The following FSTL5 variants were observed in gnomAD, a reference collection of about 807,000 sequenced individuals.
FSTL5 encodes the protein follistatin like 5.
In FSTL5, 62 loss-of-function variants were observed where a neutral mutation model predicts 89.1. The ratio of observed to expected loss-of-function variants is 0.70; its 90% confidence interval spans 0.57 to 0.86. The LOEUF (loss-of-function observed/expected upper bound fraction) is 0.86. FSTL5 is among the 40% of genes least tolerant of loss of function. FSTL5 has a pLI of 0.00. For synonymous variants in FSTL5, 383 were observed against 346.2 expected (o/e 1.11, Z -1.18); for missense variants, 1,057 against 1,001.6 (o/e 1.06, Z -0.75).
chr4:162,146,078 A>AT (rs1732973087), intron 1 of FSTL5, among the ~76,000 whole-genome samples: 1 of 152,118 alleles, frequency 6.6e-6, no homozygotes, highest in Non-Finnish European at 1.5e-5. Context: ...CTGTTTTGAT[A>AT]ATTTCTTATT....
chr4:162,054,643 T>C (rs536832183), intron 2 of FSTL5, among the ~76,000 whole-genome samples: 2 of 152,018 alleles, frequency 1.3e-5, no homozygotes, highest in Admixed American at 6.6e-5. Context: ...TCTCTTTTCT[T>C]AGAGCATTTA....
chr4:161,573,466 C>A (rs1193441681), intron 8 of FSTL5, among the ~76,000 whole-genome samples: 1 of 147,832 alleles, frequency 6.8e-6, no homozygotes, highest in Non-Finnish European at 1.5e-5. Flanking sequence ...AAGCCAGGAG[C>A]GGTGGCTCAC....
intron 3 of FSTL5, among the ~76,000 whole-genome samples, chr4:161,970,634 A>T: frequency 6.6e-6 from 1 of 152,224 alleles, no homozygotes; most frequent in African/African-American, 2.4e-5. Context: ...AGTGGAAAAC[A>T]GAGATTTTCC....
chr4:161,404,717 A>G (rs951573788), intron 15 of FSTL5, among the ~76,000 whole-genome samples: 1 of 151,970 alleles, frequency 6.6e-6, no homozygotes, highest in African/African-American at 2.4e-5. Flanking sequence ...AAAAAAAAAA[A>G]CAACAATGAT....
intron 6 of FSTL5, among the ~76,000 whole-genome samples, chr4:161,718,788 T>C (rs1369974074): frequency 2.0e-5 from 3 of 152,220 alleles, no homozygotes; most frequent in South Asian, 2.1e-4. Flanking sequence ...TTACTCTCTA[T>C]ATATATATCT....
At chr4:161,715,529 TA>T (rs1738944523) in intron 6 of FSTL5, among the ~76,000 whole-genome samples, 1 of 152,148 alleles carries the variant, frequency 6.6e-6, no homozygotes, top group South Asian at 2.1e-4. Context: ...CATCTGAGAA[TA>T]AGCATGTGAG....
rs191997329 is a variant in FSTL5, at chr4:161,664,482, C to T, written c.728-7988G>A. ...CTTTGCTAAAACATAACAAGAGTCA[C>T]CTTTTTTCCAGTTCCCAACAAGTTC... On this transcript the variant is annotated intron_variant, in intron 6 of 15. Coordinates refer to ENST00000306100, the MANE Select transcript of FSTL5 (RefSeq NM_020116.5). 6.0e-3 allele frequency among the ~76,000 whole-genome samples: 916 copies of T among 152,312 alleles called. 9 individuals are homozygous for T. The highest frequency in any genetic ancestry group is 0.046 in the South Asian group (220 of 4,824).
chr4:161,503,686 T>G (rs72683739), intron 11 of FSTL5, among the ~76,000 whole-genome samples: 11,416 of 152,050 alleles, frequency 0.075, 563 homozygotes, highest in Middle Eastern at 0.14. Context: ...TCAAAAGGAC[T>G]GGTTTTAGAT....
In FSTL5 at chr4:161,385,003, T is replaced by G. The variant is rs1401767231; in HGVS notation, c.*744A>C. ...ATTGAAAGCAAAATGAGTAGATAGA[T>G]TGCAAATATTTTGACTGTAATTATT... is the stretch of plus-strand genomic sequence containing the variant. On this transcript the variant is annotated 3_prime_UTR_variant, in exon 16 of 16. Transcript: ENST00000306100. 1 of 152,130 alleles carries G rather than the reference T, an allele frequency of 6.6e-6. No homozygotes were observed. Among genetic ancestry groups the G allele is most frequent in the African/African-American group, 2.4e-5 (1 of 41,428 alleles). 9.4% of individuals were successfully genotyped at this position (152,130 alleles called of 1,614,324 possible).
rs184661681 is a variant in FSTL5 at position 161,500,321 on chromosome 4, A to G, written c.1340-187T>C. 9.3e-4 allele frequency among the ~76,000 whole-genome samples: 142 copies of G among 152,224 alleles called. 1 individual carries two copies. The highest frequency in any genetic ancestry group is 3.3e-3 in the African/African-American group (139 of 41,546). On this transcript the variant is annotated intron_variant, in intron 11 of 15. Transcript: ENST00000306100. ...CTTTGTGATATTATGCAGACATTAC[A>G]CTTCATTCTTCCTGTGCTGCAGTTT...
intron 4 of FSTL5, among the ~76,000 whole-genome samples, chr4:161,807,587 C>G (rs1730009674): frequency 6.6e-6 from 1 of 151,976 alleles, no homozygotes; most frequent in Non-Finnish European, 1.5e-5. Context: ...GTCTCTGCAG[C>G]AAGTACTCAA....
At chr4:161,561,397 T>C (rs7685132) in intron 8 of FSTL5, among the ~76,000 whole-genome samples, 284 of 152,048 alleles carry the variant, frequency 1.9e-3, no homozygotes, top group African/African-American at 6.5e-3. Flanking sequence ...AGTGAGAGAA[T>C]AGGTAAATCC....
At chr4:161,600,127 CATGA>C (rs1199949395) in intron 7 of FSTL5, among the ~76,000 whole-genome samples, 1 of 148,624 alleles carries the variant, frequency 6.7e-6, no homozygotes, top group Admixed American at 6.8e-5. Context: ...CAGACATCAA[CATGA>C]ATGAATCCCC....
intron 4 of FSTL5, among the ~76,000 whole-genome samples, chr4:161,897,323 T>A (rs759547081): frequency 1.3e-5 from 2 of 151,762 alleles, no homozygotes; most frequent in Non-Finnish European, 1.5e-5. Flanking sequence ...TCACTATTTT[T>A]ATACCTTTCT....
At chr4:161,938,616 A>G (rs1243227848) in intron 3 of FSTL5, among the ~76,000 whole-genome samples, 1 of 152,052 alleles carries the variant, frequency 6.6e-6, no homozygotes, top group Admixed American at 6.6e-5. Flanking sequence ...GGTGGTTGGA[A>G]TAGTAAAATT....
chr4:161,719,622 C>T (rs958101260), intron 6 of FSTL5, among the ~76,000 whole-genome samples: 1 of 152,046 alleles, frequency 6.6e-6, no homozygotes, highest in African/African-American at 2.4e-5. Flanking sequence ...CACAAGATTC[C>T]TTTCCTTTTA....
chr4:161,573,029 G>C (rs930109687), intron 8 of FSTL5, among the ~76,000 whole-genome samples: 1 of 152,180 alleles, frequency 6.6e-6, no homozygotes, highest in Non-Finnish European at 1.5e-5. Context: ...AAGTAAACAA[G>C]CCCTTATAGA....
chr4:162,033,341 G>T (rs888578616), intron 3 of FSTL5, among the ~76,000 whole-genome samples: 1 of 152,190 alleles, frequency 6.6e-6, no homozygotes. Context: ...TAGGGACAAT[G>T]GTTGGTGGAG....
At chr4:161,668,220 T>A (rs1394454382) in intron 6 of FSTL5, among the ~76,000 whole-genome samples, 1 of 152,118 alleles carries the variant, frequency 6.6e-6, no homozygotes, top group East Asian at 1.9e-4. Flanking sequence ...ATTTAAAGGA[T>A]AATAAAAGTT....
Sources: allele counts gnomAD v4.1 joint callset (sites outside exome capture counted in the v4.1 genomes callset), GRCh38; gene constraint gnomAD v4.1.1; transcripts MANE v1.5; gene names NCBI Gene and HGNC (gene_info 2026-07-23, HGNC 2026-07-21).